The following ITGA9 variants were observed in gnomAD, a reference collection of about 807,000 sequenced individuals.
ITGA9 encodes integrin alpha-9.
A neutral mutation model predicts 127.8 loss-of-function variants in ITGA9; 56 were observed. The ratio of observed to expected loss-of-function variants is 0.44; its 90% CI spans 0.35 to 0.55. The LOEUF is 0.55. Ranked by LOEUF, ITGA9 falls within the 20% of genes least tolerant of loss-of-function variation. The pLI is 0.00. For synonymous variants in ITGA9, 508 were observed against 514.5 expected (o/e 0.99, Z 0.17); for missense variants, 1,196 against 1,347.1 (o/e 0.89, Z 1.76).
chr3:37,512,883 T>G (rs1436580577), intron 8 of ITGA9, among the ~76,000 whole-genome samples: 4 of 152,178 alleles, frequency 2.6e-5, no homozygotes, highest in Non-Finnish European at 4.4e-5. Context: ...CTTATGCCTG[T>G]TATATCACCT....
intron 15 of ITGA9, among the ~76,000 whole-genome samples, chr3:37,554,070 G>T (rs76153203): frequency 6.6e-6 from 1 of 152,144 alleles, no homozygotes; most frequent in Non-Finnish European, 1.5e-5. Flanking sequence ...AAGAGACAAG[G>T]ATCCTTGTCC....
At position 37,789,521 on chromosome 3, in the gene ITGA9, A is replaced by C. The variant is rs138301934; in HGVS notation, c.2889+4443A>C. 2.9e-3 allele frequency among the ~76,000 whole-genome samples: 445 copies of C among 151,858 alleles called. 2 individuals carry two copies. Among genetic ancestry groups the C allele is most frequent in the Non-Finnish European group, 4.8e-3 (327 of 67,936 alleles). ...ACACCTGTAATCCTAGCACTTTGGG[A>C]GGCCAAGGCGGGTGGACCACAAAGT... is the stretch of plus-strand genomic sequence containing the variant. On this transcript the variant is annotated intron_variant, in intron 26 of 27. Coordinates refer to ENST00000264741, the MANE Select transcript of ITGA9 (RefSeq NM_002207.3).
At chr3:37,703,302 T>G (rs1232740794) in intron 18 of ITGA9, among the ~76,000 whole-genome samples, 2 of 152,204 alleles carry the variant, frequency 1.3e-5, no homozygotes, top group Admixed American at 6.5e-5. Context: ...TTTGTAAGTA[T>G]TTGTTCTGAG....
At chr3:37,498,823 A>G (rs1698759928) in intron 5 of ITGA9, among the ~76,000 whole-genome samples, 2 of 151,982 alleles carry the variant, frequency 1.3e-5, no homozygotes, top group African/African-American at 4.8e-5. Flanking sequence ...AGGTCTTTGA[A>G]CTCACTGCCT....
Position 37,818,998 on chromosome 3 carries a change from A to G in ITGA9, c.*9A>G, listed in dbSNP as rs1384728343. On this transcript the variant is annotated 3_prime_UTR_variant, in exon 28 of 28. Coordinates refer to ENST00000264741, the MANE Select transcript of ITGA9 (RefSeq NM_002207.3). The stretch of plus-strand genomic sequence containing the variant: ...TCCAGAAAAACCAGTGAGCTGCCAC[A>G]CCAGTCACATGACCTGATCACTAGC... 6.4e-7 allele frequency: 1 copy of G among 1,573,110 alleles called. No individual in the cohort carries two copies. The highest frequency in any genetic ancestry group is 1.3e-5 in the African/African-American group (1 of 74,226).
Position 37,510,887 on chromosome 3 carries a change from T to G in ITGA9, c.897+2260T>G, listed in dbSNP as rs550670112. On this transcript the variant is annotated intron_variant, in intron 8 of 27. Coordinates refer to ENST00000264741, the MANE Select transcript of ITGA9 (RefSeq NM_002207.3). ...CTAGTGTCTCCAACTAGATTTACCC[T>G]GTCATCATCGTTCTGCTTTTGAAAT... Among the ~76,000 whole-genome samples, 5 of 152,362 alleles carry G rather than the reference T, an allele frequency of 3.3e-5. No homozygotes were observed. In the East Asian group the frequency reaches 7.7e-4, roughly 23 times the overall value.
chr3:37,610,386 A>C (rs1700005044), intron 15 of ITGA9, among the ~76,000 whole-genome samples: 1 of 152,250 alleles, frequency 6.6e-6, no homozygotes, highest in Non-Finnish European at 1.5e-5. Flanking sequence ...TTACCAAAAT[A>C]GAAGAGGGAG....
chr3:37,510,338 G>A (rs950207644), intron 8 of ITGA9, among the ~76,000 whole-genome samples: 4 of 151,836 alleles, frequency 2.6e-5, no homozygotes, highest in African/African-American at 9.7e-5. Context: ...GAGTTTCTGA[G>A]TATCTTTATG....
At chr3:37,769,410 G>A (rs114140858) in intron 23 of ITGA9, among the ~76,000 whole-genome samples, 1,599 of 150,992 alleles carry the variant, frequency 0.011, 27 homozygotes, top group African/African-American at 0.037. Context: ...TTTGAGCGAC[G>A]TTAATCCACA....
intron 4 of ITGA9, among the ~76,000 whole-genome samples, chr3:37,492,164 T>TG (rs1428421422): frequency 6.6e-6 from 1 of 152,228 alleles, no homozygotes; most frequent in African/African-American, 2.4e-5. Flanking sequence ...TCTGGGAGGC[T>TG]GGGACATGGC....
chr3:37,596,647 A>G (rs1699873453), intron 15 of ITGA9, among the ~76,000 whole-genome samples: 1 of 152,152 alleles, frequency 6.6e-6, no homozygotes, highest in South Asian at 2.1e-4. Flanking sequence ...GCTAGGAGCT[A>G]TTTAAAAGGG....
chr3:37,503,652 G>A (rs972029751), intron 6 of ITGA9, among the ~76,000 whole-genome samples: 23 of 152,212 alleles, frequency 1.5e-4, no homozygotes, highest in African/African-American at 4.3e-4. Context: ...TTCCACGGGC[G>A]TCCCTTTGGA....
Position 37,503,661 on chromosome 3 carries a change from G to A in ITGA9, c.742+354G>A, listed in dbSNP as rs919270942. On this transcript the variant is annotated intron_variant, in intron 6 of 27. Transcript: ENST00000264741. ...TTGATTTTCCACGGGCGTCCCTTTGGATGGAGTCCTTGCTTTCTGATCACA... is the reference window on the plus strand; with the variant it reads ...TTGATTTTCCACGGGCGTCCCTTTGAATGGAGTCCTTGCTTTCTGATCACA... Among the ~76,000 whole-genome samples, 5 of 152,324 alleles carry A rather than the reference G, an allele frequency of 3.3e-5. No individual in the cohort carries two copies. In the East Asian group the frequency reaches 9.6e-4, roughly 29 times the overall value.
At chr3:37,651,217 C>T (rs1423465918) in intron 16 of ITGA9, among the ~76,000 whole-genome samples, 1 of 152,160 alleles carries the variant, frequency 6.6e-6, no homozygotes, top group Non-Finnish European at 1.5e-5. Flanking sequence ...GAGGACTAGA[C>T]AGCTAGAAAA....
chr3:37,637,210 A>C (rs1428128092), intron 16 of ITGA9, among the ~76,000 whole-genome samples: 1 of 152,126 alleles, frequency 6.6e-6, no homozygotes, highest in East Asian at 1.9e-4. Context: ...TTGAATCTAT[A>C]AATTACCTTG....
chr3:37,645,673 G>A (rs1700370325), intron 16 of ITGA9, among the ~76,000 whole-genome samples: 1 of 152,136 alleles, frequency 6.6e-6, no homozygotes, highest in African/African-American at 2.4e-5. Context: ...CTCAGCATGG[G>A]ATTTGGTTGT....
chr3:37,685,527 C>T (rs995296907), intron 18 of ITGA9, among the ~76,000 whole-genome samples: 5 of 152,116 alleles, frequency 3.3e-5, no homozygotes, highest in Admixed American at 1.3e-4. Flanking sequence ...TTTACAGAAT[C>T]GCATGTGCTG....
At chr3:37,485,173 G>A (rs1404026570) in intron 4 of ITGA9, among the ~76,000 whole-genome samples, 1 of 152,146 alleles carries the variant, frequency 6.6e-6, no homozygotes, top group African/African-American at 2.4e-5. Context: ...CCGTCCCCAA[G>A]GGCTTGAGCT....
At chr3:37,706,856 T>G (rs1418775221) in intron 18 of ITGA9, among the ~76,000 whole-genome samples, 2 of 152,210 alleles carry the variant, frequency 1.3e-5, no homozygotes, top group Non-Finnish European at 2.9e-5. Context: ...TCAGTAGCTC[T>G]TCTCATGACC....
Sources: allele counts gnomAD v4.1 joint callset (sites outside exome capture counted in the v4.1 genomes callset), GRCh38; gene constraint gnomAD v4.1.1; transcripts MANE v1.5; gene names NCBI Gene and HGNC (gene_info 2026-07-23, HGNC 2026-07-21).